Variants in ZMYM2 observed in about 807,000 individuals in gnomAD.
ZMYM2 encodes zinc finger MYM-type containing 2.
Under a neutral mutation model 162.8 loss-of-function variants are expected in ZMYM2, and 56 were observed. The observed-to-expected ratio is 0.34, with a 90% CI of 0.28 to 0.43. ZMYM2 has a LOEUF of 0.43. Among genes scored for constraint, ZMYM2 ranks in the 20% least tolerant of loss-of-function variants. The pLI is 1.00. For missense variants in ZMYM2, 1,275 were observed against 1,621.8 expected (o/e 0.79, Z 3.67); for synonymous variants, 510 against 541.6 (o/e 0.94, Z 0.81).
At chr13:19,983,257 G>C (rs957665853) in intron 2 of ZMYM2, among the ~76,000 whole-genome samples, 1 of 150,984 alleles carries the variant, frequency 6.6e-6, no homozygotes, top group Non-Finnish European at 1.5e-5. Context: ...CAGTTCTCCT[G>C]CCTCAGCCTC....
the ZMYM2 span, among the ~76,000 whole-genome samples, chr13:19,869,046 C>A: frequency 6.6e-6 from 1 of 152,182 alleles, no homozygotes; most frequent in Admixed American, 6.5e-5. Flanking sequence ...CCACCGCACC[C>A]GGCCCATAAA....
intron 10 of ZMYM2, 52 bp downstream of exon 10, chr13:20,031,487 T>G: frequency 8.5e-7 from 1 of 1,172,970 alleles, no homozygotes; most frequent in South Asian, 1.7e-5. Flanking sequence ...GAAAGTCTAG[T>G]AAAATAAGTG....
intron 2 of ZMYM2, among the ~76,000 whole-genome samples, chr13:19,985,611 A>G (rs1429827507): frequency 6.7e-6 from 1 of 150,142 alleles, no homozygotes; most frequent in Non-Finnish European, 1.5e-5. Context: ...GCTGAGGCAG[A>G]GAATTGCTTG....
chr13:19,896,591 C>T, the ZMYM2 span, among the ~76,000 whole-genome samples: 2 of 149,572 alleles, frequency 1.3e-5, no homozygotes, highest in Admixed American at 6.6e-5. Context: ...CCCGTCTCTA[C>T]TAAAAAATAG....
At chr13:19,907,800 T>G in the ZMYM2 span, among the ~76,000 whole-genome samples, 4 of 151,192 alleles carry the variant, frequency 2.6e-5, no homozygotes, top group Non-Finnish European at 5.9e-5. Context: ...AGTCTATTTT[T>G]AAGACTTTAT....
intron 21 of ZMYM2, 80 bp from the exon 22 acceptor site, chr13:20,081,936 A>G: frequency 1.2e-6 from 1 of 829,150 alleles, no homozygotes; most frequent in Non-Finnish European, 1.8e-6. Flanking sequence ...TTTTCTTAAG[A>G]AATACGGAGT....
At chr13:20,055,859 A>G (rs551308076) in intron 14 of ZMYM2, among the ~76,000 whole-genome samples, 1 of 152,260 alleles carries the variant, frequency 6.6e-6, no homozygotes, top group South Asian at 2.1e-4. Context: ...CGGGGTTAGG[A>G]AAATGTTAAA....
chr13:19,884,399 C>T, the ZMYM2 span, among the ~76,000 whole-genome samples: 1 of 152,030 alleles, frequency 6.6e-6, no homozygotes, highest in Non-Finnish European at 1.5e-5. Flanking sequence ...CACAGTATAA[C>T]CCCCATCTAT....
At position 20,088,314 on chromosome 13, in the gene ZMYM2, C is replaced by T. The variant is rs551586070; in HGVS notation, c.*2300C>T. 4 of 207,310 alleles carry T rather than the reference C, an allele frequency of 1.9e-5. No homozygotes were observed. The highest frequency in any genetic ancestry group is 7.3e-5 in the East Asian group (1 of 13,636). 12.8% of individuals were successfully genotyped at this position (207,310 alleles called of 1,614,324 possible). A position where few individuals can be genotyped will look rare whatever the true frequency, so the allele number is the denominator to read the frequency against. On this transcript the variant is annotated 3_prime_UTR_variant, in exon 25 of 25. Coordinates refer to ENST00000610343, the MANE Select transcript of ZMYM2 (RefSeq NM_197968.4). Reference sequence around the variant, plus strand: ...ATTCTTGGATCTTAGTTTATGTGGTCATAGTTGACTGCTGAGAAAAGGACA... The same window carrying T: ...ATTCTTGGATCTTAGTTTATGTGGTTATAGTTGACTGCTGAGAAAAGGACA...
At chr13:19,934,362 A>G in the ZMYM2 span, among the ~76,000 whole-genome samples, 25 of 151,982 alleles carry the variant, frequency 1.6e-4, no homozygotes, top group East Asian at 3.9e-4. Context: ...GGTTACCCAT[A>G]TTGGTCAGGC....
At chr13:19,878,872 T>G in the ZMYM2 span, among the ~76,000 whole-genome samples, 8 of 152,178 alleles carry the variant, frequency 5.3e-5, no homozygotes, top group African/African-American at 1.9e-4. Context: ...AGGAGTTATA[T>G]ATATAGACTG....
At chr13:19,957,511 CAA>C (rs1023988924), upstream of ZMYM2, among the ~76,000 whole-genome samples, 14 of 150,416 alleles carry the variant, frequency 9.3e-5, no homozygotes, top group Non-Finnish European at 2.1e-4. Context: ...AGACGAGGAA[CAA>C]AAGAGAAGAC....
At chr13:19,865,939 C>G in the ZMYM2 span, among the ~76,000 whole-genome samples, 1 of 152,200 alleles carries the variant, frequency 6.6e-6, no homozygotes, top group African/African-American at 2.4e-5. Flanking sequence ...AGATAGCCTG[C>G]CTTTGAATCG....
chr13:20,077,050 G>A (rs1957557065), intron 21 of ZMYM2, among the ~76,000 whole-genome samples: 2 of 150,210 alleles, frequency 1.3e-5, no homozygotes, highest in African/African-American at 5.1e-5. Context: ...GGTTTGTCTC[G>A]TTCTCTTGAT....
Position 20,086,228 on chromosome 13 carries a change from CTTTT to C in ZMYM2, c.*218_*221del. The C allele has an allele frequency of 2.7e-6, 1 of 368,244 alleles. No homozygotes were observed. The highest frequency in any genetic ancestry group is 4.0e-5 in the East Asian group (1 of 24,866). The allele number at this position is 368,244 out of a possible 1,614,324, so 22.8% of individuals were successfully genotyped here. ...GATACTTAACAAATACATTCAAATTCTTTTTTTATTATTATTTATTTGATTAGGT... is the reference window on the plus strand; with the variant it reads ...GATACTTAACAAATACATTCAAATTCTTTATTATTATTTATTTGATTAGGT... On this transcript the variant is annotated 3_prime_UTR_variant, in exon 25 of 25. Coordinates refer to ENST00000610343, the MANE Select transcript of ZMYM2 (RefSeq NM_197968.4).
At chr13:19,914,439 G>T in the ZMYM2 span, among the ~76,000 whole-genome samples, 1 of 152,196 alleles carries the variant, frequency 6.6e-6, no homozygotes, top group Non-Finnish European at 1.5e-5. Flanking sequence ...CTCCAAGGCT[G>T]ACTTGGCTAA....
At chr13:20,046,593 G>A (rs1566387416) in intron 12 of ZMYM2, among the ~76,000 whole-genome samples, 3 of 25,158 alleles carry the variant, frequency 1.2e-4, no homozygotes, top group Non-Finnish European at 7.5e-4. Flanking sequence ...GTGTGTGTGT[G>A]TGTGTGTGTG....
the ZMYM2 span, among the ~76,000 whole-genome samples, chr13:19,920,347 A>G: frequency 6.6e-6 from 1 of 152,162 alleles, no homozygotes; most frequent in Non-Finnish European, 1.5e-5. Flanking sequence ...CAGTACAGAA[A>G]CAAGTCTCAG....
chr13:19,939,694 A>G, the ZMYM2 span, among the ~76,000 whole-genome samples: 2 of 152,356 alleles, frequency 1.3e-5, no homozygotes, highest in South Asian at 2.1e-4. Flanking sequence ...ACAAGTTAGG[A>G]AATATATCTA....
Sources: gnomAD v4.1 joint callset for allele counts (sites outside exome capture counted in the v4.1 genomes callset) on GRCh38, gnomAD v4.1.1 for gene constraint, MANE v1.5 for transcripts, NCBI Gene and HGNC (gene_info 2026-07-23, HGNC 2026-07-21) for gene names.